RTN4: variants seen among roughly 807,000 people sequenced by gnomAD.
RTN4 encodes the protein reticulon 4, also known as reticulon-4.
RTN4 carries 32 observed loss-of-function variants against 90.4 expected under a neutral mutation model. That is an observed-to-expected ratio of 0.35 (90% confidence interval 0.27 to 0.48). RTN4 has a LOEUF of 0.48. Among genes scored for constraint, RTN4 ranks in the 20% least tolerant of loss-of-function variants. RTN4 has a pLI of 0.99. For synonymous variants in RTN4, 629 were observed against 552.5 expected, an observed-to-expected ratio of 1.14 and a Z score of -1.94; for missense variants, 1,706 against 1,430.2, an observed-to-expected ratio of 1.19 and a Z score of -3.11.
In RTN4 at chr2:55,009,967, A is replaced by G. The variant is rs545294808; in HGVS notation, c.3013+15119T>C. Reference sequence around the variant, plus strand: ...TGAGATAGCCGTTTTAATCCTTTAGACTTCAACTCTTCAGAGGTTTCACTT... The same window carrying G: ...TGAGATAGCCGTTTTAATCCTTTAGGCTTCAACTCTTCAGAGGTTTCACTT... On this transcript the variant is annotated intron_variant, in intron 3 of 8. Coordinates refer to ENST00000337526, the MANE Select transcript of RTN4 (RefSeq NM_020532.5). 243 of 1,109,752 alleles carry G rather than the reference A, an allele frequency of 2.2e-4. No homozygotes were observed. The African/African-American group carries it at 3.4e-3, about 16-fold the overall frequency. The allele number at this position is 1,109,752 out of a possible 1,614,324, so 68.7% of individuals were successfully genotyped here. A position where few individuals can be genotyped will look rare whatever the true frequency, so the allele number is the denominator to read the frequency against.
intron 5 of RTN4, among the ~76,000 whole-genome samples, chr2:54,981,812 T>C (rs1000206741): frequency 4.4e-5 from 2 of 44,994 alleles, no homozygotes; most frequent in Non-Finnish European, 8.8e-5. Flanking sequence ...ATAGCTTTCA[T>C]GTACATAAGT....
Position 55,026,576 on chromosome 2 carries a change from T to C in RTN4, c.1523A>G (p.Lys508Arg). The C allele has an allele frequency of 1.2e-6, 2 of 1,613,120 alleles. No homozygotes were observed. The highest frequency in any genetic ancestry group is 1.7e-6 in the Non-Finnish European group (2 of 1,179,892). Reference sequence around the variant, plus strand: ...GTTTGATGTTTTGGTGCTAGTATTCTTCTCTGTTACTATTTGGGCCTTCTT... The same window carrying C: ...GTTTGATGTTTTGGTGCTAGTATTCCTCTCTGTTACTATTTGGGCCTTCTT... ...EEKKAQIVTE[K>R]NTSTKTSNPF... The change falls in exon 3 of 9, where the codon AAG (lysine) becomes AGG (arginine). Residue 508 changes from lysine (K) to arginine (R), a missense_variant. Transcript: ENST00000337526.
intron 1 of RTN4, among the ~76,000 whole-genome samples, chr2:55,085,269 T>C (rs190489979): frequency 6.6e-6 from 1 of 152,158 alleles, no homozygotes; most frequent in African/African-American, 2.4e-5. Context: ...AAACACAGTG[T>C]GTAATAGGTG....
chr2:55,120,973 C>A, the RTN4 span, among the ~76,000 whole-genome samples: 3 of 152,122 alleles, frequency 2.0e-5, no homozygotes, highest in African/African-American at 7.2e-5. Context: ...TGGTGGCCAC[C>A]AGGACAGCTG....
upstream of RTN4, among the ~76,000 whole-genome samples, chr2:55,116,091 CTTTT>C (rs5831339): frequency 1.9e-5 from 2 of 105,474 alleles, no homozygotes; most frequent in African/African-American, 3.6e-5. Context: ...GGGGACTAGT[CTTTT>C]TTTTTTTTTT....
At chr2:55,121,724 G>C in the RTN4 span, among the ~76,000 whole-genome samples, 1 of 152,244 alleles carries the variant, frequency 6.6e-6, no homozygotes, top group African/African-American at 2.4e-5. Flanking sequence ...AATGGGATTT[G>C]AGTGAGGTAC....
Position 55,050,375 on chromosome 2 carries a change from T to G in RTN4, c.-75A>C. ...CGCGTCTCAGAGCCGCGGGCGGTTG[T>G]GGGGGTTGGGGAGGACTGAGAGGGG... is the stretch of plus-strand genomic sequence containing the variant. On this transcript the variant is annotated 5_prime_UTR_variant, in exon 1 of 9. Coordinates refer to ENST00000337526, the MANE Select transcript of RTN4 (RefSeq NM_020532.5). This position sits in a 1 kb window ranked among gnomAD's most constrained non-coding sequence, Gnocchi z 4.6. 1.0e-6 allele frequency: 1 copy of G among 974,260 alleles called. No homozygotes were observed. The highest frequency in any genetic ancestry group is 1.4e-6 in the Non-Finnish European group (1 of 714,932). The allele number at this position is 974,260 out of a possible 1,614,324, so 60.4% of individuals were successfully genotyped here. A position where few individuals can be genotyped will look rare whatever the true frequency, so the allele number is the denominator to read the frequency against.
intron 1 of RTN4, among the ~76,000 whole-genome samples, chr2:55,111,682 G>C (rs1668040323): frequency 1.3e-5 from 2 of 152,144 alleles, no homozygotes; most frequent in Non-Finnish European, 2.9e-5. Context: ...CCACTGGCTA[G>C]TTTGGAGGAA....
At chr2:55,093,403 T>TA (rs1238333564) in intron 1 of RTN4, among the ~76,000 whole-genome samples, 69 of 63,720 alleles carry the variant, frequency 1.1e-3, no homozygotes, top group African/African-American at 2.8e-3. Context: ...TTTAATTTAT[T>TA]TTATATATAT....
At chr2:55,002,615 G>A (rs371027755) in intron 3 of RTN4, among the ~76,000 whole-genome samples, 3 of 152,014 alleles carry the variant, frequency 2.0e-5, no homozygotes, top group Non-Finnish European at 4.4e-5. Flanking sequence ...AGCAAAAAAG[G>A]GCAGAAAACA....
upstream of RTN4, chr2:55,050,485 C>A (rs1342463195): frequency 4.9e-6 from 2 of 411,444 alleles, no homozygotes; most frequent in Non-Finnish European, 8.5e-6. The surrounding 1 kb of genome is among the most constrained non-coding windows in gnomAD (Gnocchi z 4.6). Context: ...GCCGGTGATG[C>A]GCCACCCGCC....
At chr2:55,090,847 C>T (rs1446393610) in intron 1 of RTN4, among the ~76,000 whole-genome samples, 1 of 152,220 alleles carries the variant, frequency 6.6e-6, no homozygotes, top group Non-Finnish European at 1.5e-5. Flanking sequence ...ACCAGCCCCA[C>T]ATCCACTCAG....
the RTN4 span, among the ~76,000 whole-genome samples, chr2:55,122,141 G>C: frequency 6.6e-6 from 1 of 151,814 alleles, no homozygotes; most frequent in Non-Finnish European, 1.5e-5. Context: ...GCCCCCTCTA[G>C]ATAATTTTTG....
chr2:54,997,960 T>C (rs1295319570), intron 3 of RTN4, among the ~76,000 whole-genome samples: 1 of 152,172 alleles, frequency 6.6e-6, no homozygotes, highest in Non-Finnish European at 1.5e-5. Context: ...CTGCAGTTTC[T>C]AGGGCATACG....
chr2:54,973,401 G>T, intron 8 of RTN4, 162 bp downstream of exon 8: 2 of 764,096 alleles, frequency 2.6e-6, no homozygotes, highest in Non-Finnish European at 4.3e-6. Context: ...ACCCAGAAAC[G>T]AATGGTCCAA....
chr2:55,082,789 T>A (rs1473718865), intron 1 of RTN4, among the ~76,000 whole-genome samples: 1 of 152,202 alleles, frequency 6.6e-6, no homozygotes, highest in Non-Finnish European at 1.5e-5. Context: ...ATATGTGTTA[T>A]CTCACTTAAT....
chr2:55,110,759 G>C (rs189862309), intron 1 of RTN4, among the ~76,000 whole-genome samples: 3 of 152,190 alleles, frequency 2.0e-5, no homozygotes. Context: ...ATCTACGCCA[G>C]GCCAGGCACG....
intron 3 of RTN4, among the ~76,000 whole-genome samples, chr2:55,013,875 T>C (rs1441171619): frequency 4.6e-5 from 7 of 152,050 alleles, no homozygotes; most frequent in Admixed American, 2.6e-4. Context: ...GCAGCAATCA[T>C]TTGGATTGAA....
intron 1 of RTN4, among the ~76,000 whole-genome samples, chr2:55,037,711 C>T (rs1039806327): frequency 2.6e-5 from 4 of 152,168 alleles, no homozygotes; most frequent in Admixed American, 6.5e-5. Context: ...AATCCTAAGA[C>T]GTCACTTATC....
Sources: gnomAD v4.1 joint callset for allele counts (sites outside exome capture counted in the v4.1 genomes callset) on GRCh38, gnomAD v4.1.1 for gene constraint, Gnocchi (gnomAD v3.1) non-coding constraint, MANE v1.5 for transcripts, NCBI Gene and HGNC (gene_info 2026-07-23, HGNC 2026-07-21) for gene names.